Variants in ADCY5 observed in about 807,000 individuals in gnomAD.
ADCY5 encodes the protein adenylate cyclase 5, also known as adenylate cyclase type 5.
ADCY5 carries 30 observed loss-of-function variants against 119.7 expected under a neutral mutation model. That is an observed-to-expected ratio of 0.25 (90% CI 0.19 to 0.34). ADCY5 has a LOEUF of 0.34. Among genes scored for constraint, ADCY5 ranks in the 10% least tolerant of loss-of-function variants. The pLI is 1.00. For synonymous variants in ADCY5, 753 were observed against 762.2 expected (o/e 0.99, Z 0.20); for missense variants, 1,324 against 1,775.2 (o/e 0.75, Z 4.57).
intron 12 of ADCY5, among the ~76,000 whole-genome samples, chr3:123,305,210 G>C (rs1437718285): frequency 6.6e-6 from 1 of 152,166 alleles, no homozygotes; most frequent in Non-Finnish European, 1.5e-5. Flanking sequence ...CTTTTGTGGT[G>C]AGTGAAGCAG....
chr3:123,410,540 C>T (rs531538643), intron 1 of ADCY5, among the ~76,000 whole-genome samples: 1 of 152,314 alleles, frequency 6.6e-6, no homozygotes, highest in African/African-American at 2.4e-5. Flanking sequence ...ACCAACATAA[C>T]GTCCACCTTA....
intron 1 of ADCY5, among the ~76,000 whole-genome samples, chr3:123,362,976 T>C (rs557135554): frequency 6.6e-6 from 1 of 151,860 alleles, no homozygotes; most frequent in East Asian, 1.9e-4. Context: ...ACCCTGTCTC[T>C]ACTAAAAACA....
At position 123,448,471 on chromosome 3, in the gene ADCY5, G is replaced by T; in HGVS notation, c.75C>A (p.Gly25=). The T allele has an allele frequency of 7.8e-7, 1 of 1,273,980 alleles. No homozygotes were observed. Among genetic ancestry groups the T allele is most frequent in the South Asian group, 2.6e-5 (1 of 37,818 alleles). The allele number at this position is 1,273,980 out of a possible 1,614,324, so 78.9% of individuals were successfully genotyped here. ...QKTAAPAPRG[G]PEHRSAWGEA... ...CGCCCCACGCAGAGCGGTGTTCGGG[G>T]CCTCCCCGGGGCGCCGGCGCCGCAG... Residue 25 remains glycine (G), a synonymous_variant, in exon 1 of 21, where the codon GGC becomes GGA. Transcript: ENST00000462833.
intron 1 of ADCY5, among the ~76,000 whole-genome samples, chr3:123,427,723 C>T (rs984910662): frequency 6.6e-6 from 1 of 152,138 alleles, no homozygotes; most frequent in Non-Finnish European, 1.5e-5. Context: ...ATGTGGGTGA[C>T]AATATCAGTG....
Position 123,397,353 on chromosome 3 carries a change from T to A in ADCY5, c.1135-44772A>T, listed in dbSNP as rs1944630007. Among the ~76,000 whole-genome samples, 5 of 152,324 alleles carry A rather than the reference T, an allele frequency of 3.3e-5. No individual in the cohort carries two copies. In the South Asian group the frequency reaches 8.3e-4, roughly 25 times the overall value. The stretch of plus-strand genomic sequence containing the variant: ...CATGCCAGCCCTTAATCACCATGGC[T>A]GGCCAGGCGCAGTGGCTCACGCCTG... On this transcript the variant is annotated intron_variant, in intron 1 of 20. Coordinates refer to ENST00000462833, the MANE Select transcript of ADCY5 (RefSeq NM_183357.3).
chr3:123,334,963 G>A (rs1164538964), intron 3 of ADCY5, among the ~76,000 whole-genome samples: 2 of 152,068 alleles, frequency 1.3e-5, no homozygotes, highest in Non-Finnish European at 2.9e-5. Context: ...CCCATGCTTT[G>A]ACATCCAAGG....
chr3:123,339,143 A>C (rs1296506337), intron 3 of ADCY5, among the ~76,000 whole-genome samples: 1 of 152,202 alleles, frequency 6.6e-6, no homozygotes, highest in African/African-American at 2.4e-5. Flanking sequence ...GGAAGTGTCC[A>C]GTGTGGGCTG....
intron 1 of ADCY5, among the ~76,000 whole-genome samples, chr3:123,402,102 T>C (rs1944772450): frequency 6.6e-6 from 1 of 152,086 alleles, no homozygotes; most frequent in Non-Finnish European, 1.5e-5. Flanking sequence ...GGGAAGTGTG[T>C]TCTGAGCTGG....
In ADCY5 at chr3:123,308,808, A is replaced by G. The variant is rs553111433; in HGVS notation, c.2443-4625T>C. Reference sequence around the variant, plus strand: ...CGTGCCACTGCACTCCAGCCTGGGCAACAGAGCGAGACTCTGTCTCAAAAA... The same window carrying G: ...CGTGCCACTGCACTCCAGCCTGGGCGACAGAGCGAGACTCTGTCTCAAAAA... On this transcript the variant is annotated intron_variant, in intron 12 of 20. Transcript: ENST00000462833. 1.6e-3 allele frequency among the ~76,000 whole-genome samples: 245 copies of G among 152,264 alleles called. 1 individual carries two copies. Among genetic ancestry groups the G allele is most frequent in the South Asian group, 3.1e-3 (15 of 4,812 alleles).
Position 123,368,467 on chromosome 3 carries a change from C to T in ADCY5, c.1135-15886G>A, listed in dbSNP as rs545841231. On this transcript the variant is annotated intron_variant, in intron 1 of 20. Coordinates refer to ENST00000462833, the MANE Select transcript of ADCY5 (RefSeq NM_183357.3). The stretch of plus-strand genomic sequence containing the variant: ...AAAAAATTAGCTGGGCATGGCGGTG[C>T]GCACCTGTAATCCCAGCTACTTGGG... Among the ~76,000 whole-genome samples, 13 of 152,280 alleles carry T rather than the reference C, an allele frequency of 8.5e-5. No individual in the cohort carries two copies. In the South Asian group the frequency reaches 1.9e-3, roughly 22 times the overall value.
At chr3:123,412,577 G>A (rs1945080318) in intron 1 of ADCY5, among the ~76,000 whole-genome samples, 2 of 152,134 alleles carry the variant, frequency 1.3e-5, no homozygotes, top group African/African-American at 4.8e-5. Flanking sequence ...AAGGCTAAGA[G>A]CAAAAACCTT....
intron 1 of ADCY5, among the ~76,000 whole-genome samples, chr3:123,370,156 C>T (rs1943586137): frequency 6.6e-6 from 1 of 152,194 alleles, no homozygotes; most frequent in African/African-American, 2.4e-5. Context: ...TGTTCATTTG[C>T]AGACTCACCT....
At chr3:123,302,185 T>C (rs904160977) in intron 14 of ADCY5, among the ~76,000 whole-genome samples, 1 of 152,218 alleles carries the variant, frequency 6.6e-6, no homozygotes, top group Admixed American at 6.5e-5. Context: ...GCTGGGGGTT[T>C]GGGAAGTTGG....
chr3:123,303,138 C>G lies in ADCY5; in HGVS notation c.2641G>C (p.Val881Leu), dbSNP rs758708718. The G allele has an allele frequency of 1.9e-6, 3 of 1,613,878 alleles. No homozygotes were observed. Among genetic ancestry groups the G allele is most frequent in the Non-Finnish European group, 2.5e-6 (3 of 1,180,042 alleles). The change falls in exon 14 of 21, where the codon GTG becomes CTG. Residue 881 changes from valine (V) to leucine (L), a missense_variant. By Grantham distance (32) the Val-to-Leu change is conservative. This residue lies in a region of ADCY5 where 424 missense variants were observed against 546.8 expected (regional missense o/e 0.78). Transcript: ENST00000462833. ...ISASQVNACH[V>L]AESAVNYSLG... Reference sequence around the variant, plus strand: ...CTGTAGTTGACGGCCGACTCCGCCACGTGACACGCGTTGACCTGGCTCGCG... The same window carrying G: ...CTGTAGTTGACGGCCGACTCCGCCAGGTGACACGCGTTGACCTGGCTCGCG...
intron 12 of ADCY5, among the ~76,000 whole-genome samples, chr3:123,309,238 A>C (rs1393966558): frequency 6.6e-6 from 1 of 152,238 alleles, no homozygotes; most frequent in Non-Finnish European, 1.5e-5. Context: ...ATTGGATGGC[A>C]AAACAGTTTA....
At chr3:123,396,606 AGGGAGGG>A (rs1319909091) in intron 1 of ADCY5, among the ~76,000 whole-genome samples, 1 of 130,418 alleles carries the variant, frequency 7.7e-6, no homozygotes, top group African/African-American at 2.9e-5. Flanking sequence ...AAAAGAGAGA[AGGGAGGG>A]AGGAAGAAGG....
rs750760543 is a variant in ADCY5, at chr3:123,426,299, GT to G, written c.1134+21112del. ...TTTTTTTCTTTTTCTTTTCTTTTGT[GT>G]TTTTTTTTTGTTTGTTTTTGTTTGT... On this transcript the variant is annotated intron_variant, in intron 1 of 20. Transcript: ENST00000462833. Among the ~76,000 whole-genome samples, 51 of 97,994 alleles carry G rather than the reference GT, an allele frequency of 5.2e-4. 1 individual carries two copies. The highest frequency in any genetic ancestry group is 4.2e-3 in the East Asian group (11 of 2,644). The allele number at this position is 97,994 out of a possible 152,430, so 64.3% of individuals were successfully genotyped here.
At chr3:123,437,860 T>C (rs1945647583) in intron 1 of ADCY5, among the ~76,000 whole-genome samples, 1 of 152,216 alleles carries the variant, frequency 6.6e-6, no homozygotes, top group Admixed American at 6.5e-5. Flanking sequence ...CCTCTTCCGA[T>C]GTCTAACAAC....
In ADCY5 at chr3:123,438,199, C is replaced by G. The variant is rs556571946; in HGVS notation, c.1134+9213G>C. On this transcript the variant is annotated intron_variant, in intron 1 of 20. Coordinates refer to ENST00000462833, the MANE Select transcript of ADCY5 (RefSeq NM_183357.3). ...ACTAATGCCCTCCCCGCAGTAGGTT[C>G]CTTCGGAAAATGGTGCTGGAGTCAA... Among the ~76,000 whole-genome samples the G allele has an allele frequency of 4.6e-5, 7 of 152,320 alleles. No individual in the cohort carries two copies. The East Asian group carries it at 1.2e-3, about 25-fold the overall frequency.
Sources: gnomAD v4.1 joint callset for allele counts (sites outside exome capture counted in the v4.1 genomes callset) on GRCh38, gnomAD v4.1.1 for gene constraint, gnomAD v4.1.1 regional missense constraint, MANE v1.5 for transcripts, NCBI Gene and HGNC (gene_info 2026-07-23, HGNC 2026-07-21) for gene names.